Variants in MLLT3 observed in about 807,000 individuals in gnomAD.
MLLT3 encodes MLLT3 super elongation complex subunit.
MLLT3 carries 4 observed loss-of-function variants against 53.2 expected under a neutral mutation model. The observed-to-expected ratio is 0.08, with a 90% CI of 0.04 to 0.17. The LOEUF (loss-of-function observed/expected upper bound fraction) is 0.17. Ranked by LOEUF, MLLT3 falls within the 10% of genes least tolerant of loss-of-function variation. The probability of loss-of-function intolerance (pLI) is 1.00; values close to 1 mark genes in which losing one functional copy is unlikely to be tolerated. For missense variants in MLLT3, 569 were observed against 684.0 expected (o/e 0.83, Z 1.87); for synonymous variants, 283 against 230.6 (o/e 1.23, Z -2.06).
intron 2 of MLLT3, among the ~76,000 whole-genome samples, chr9:20,555,441 C>T (rs868360539): frequency 3.3e-4 from 50 of 152,184 alleles, no homozygotes; most frequent in African/African-American, 1.1e-3. Context: ...GCCACCAGAC[C>T]CAGGCTGCAA....
chr9:20,569,948 G>A (rs889248370), intron 2 of MLLT3, among the ~76,000 whole-genome samples: 7 of 152,028 alleles, frequency 4.6e-5, no homozygotes, highest in African/African-American at 1.7e-4. Context: ...TGAACCGTTG[G>A]CTCCTCATTT....
At chr9:20,436,810 C>T (rs974958049) in intron 4 of MLLT3, among the ~76,000 whole-genome samples, 1 of 152,040 alleles carries the variant, frequency 6.6e-6, no homozygotes, top group Admixed American at 6.6e-5. Context: ...ATTTTATAGC[C>T]ATAAAAATAC....
At chr9:20,498,516 A>C (rs1825138977) in intron 2 of MLLT3, among the ~76,000 whole-genome samples, 1 of 152,166 alleles carries the variant, frequency 6.6e-6, no homozygotes, top group Non-Finnish European at 1.5e-5. Flanking sequence ...TATTCATATA[A>C]TCTAGATCAA....
chr9:20,507,088 AAGTGAGT>A (rs1414671397), intron 2 of MLLT3, among the ~76,000 whole-genome samples: 1 of 152,234 alleles, frequency 6.6e-6, no homozygotes, highest in Non-Finnish European at 1.5e-5. Flanking sequence ...CTTAATGCGA[AAGTGAGT>A]AGTAAATTTT....
chr9:20,599,681 T>C (rs1820368162), intron 2 of MLLT3, among the ~76,000 whole-genome samples: 1 of 152,160 alleles, frequency 6.6e-6, no homozygotes, highest in Non-Finnish European at 1.5e-5. Context: ...GTTTAAATCT[T>C]AGTTATGCCA....
In MLLT3 at chr9:20,453,501, T is replaced by A. The variant is rs867062924; in HGVS notation, c.276+3203A>T. On this transcript the variant is annotated intron_variant, in intron 3 of 10. Transcript: ENST00000380338. The stretch of plus-strand genomic sequence containing the variant: ...TCACTTGATCTCAGGAAGTGGAGGC[T>A]GCAGTGAGCTGAGACTGCGCCACTG... Among the ~76,000 whole-genome samples the A allele has an allele frequency of 7.2e-5, 11 of 152,272 alleles. No individual in the cohort carries two copies. In the Middle Eastern group the frequency reaches 0.01, roughly 141 times the overall value.
At chr9:20,494,858 T>C (rs540402017) in intron 2 of MLLT3, among the ~76,000 whole-genome samples, 60 of 152,204 alleles carry the variant, frequency 3.9e-4, no homozygotes, top group Non-Finnish European at 5.4e-4. Flanking sequence ...GTTTTATTAA[T>C]TTTACAGGTA....
intron 2 of MLLT3, among the ~76,000 whole-genome samples, chr9:20,597,907 G>T (rs1820318231): frequency 6.6e-6 from 1 of 152,084 alleles, no homozygotes; most frequent in Non-Finnish European, 1.5e-5. Context: ...TTAGATATCT[G>T]CTTAGTGTTC....
rs1011163750 is a variant in MLLT3, at chr9:20,346,627, G to T, written c.1576-53C>A. Reference sequence around the variant, plus strand: ...GGCAATACGCAGCAAACATCAAAAGGCAAAGAGAGAGTAATGGAGGGGCGA... The same window carrying T: ...GGCAATACGCAGCAAACATCAAAAGTCAAAGAGAGAGTAATGGAGGGGCGA... On this transcript the variant is annotated intron_variant, in intron 10 of 10. Transcript: ENST00000380338. The T allele has an allele frequency of 2.7e-5, 43 of 1,573,908 alleles. No individual in the cohort carries two copies. In the South Asian group the frequency reaches 5.0e-4, roughly 18 times the overall value.
intron 5 of MLLT3, among the ~76,000 whole-genome samples, chr9:20,398,108 A>AT (rs927548062): frequency 1.1e-4 from 17 of 151,432 alleles, no homozygotes; most frequent in Admixed American, 3.9e-4. Context: ...TTAATTTTTA[A>AT]TTTTTTTTTA....
At chr9:20,542,392 AGGCGCCC>A (rs1056609727) in intron 2 of MLLT3, among the ~76,000 whole-genome samples, 14 of 151,994 alleles carry the variant, frequency 9.2e-5, no homozygotes, top group African/African-American at 2.7e-4. Context: ...CTGGGACTAC[AGGCGCCC>A]GCCACCGCGC....
intron 4 of MLLT3, among the ~76,000 whole-genome samples, chr9:20,415,714 A>C (rs1443738683): frequency 6.6e-6 from 1 of 152,132 alleles, no homozygotes; most frequent in Non-Finnish European, 1.5e-5. Flanking sequence ...GTAAGCAAGC[A>C]GGGGCTATGC....
chr9:20,615,692 T>C lies in MLLT3; in HGVS notation c.193+4962A>G, dbSNP rs1244690803. 9.2e-5 allele frequency among the ~76,000 whole-genome samples: 14 copies of C among 151,978 alleles called. No individual in the cohort carries two copies. In the East Asian group the frequency reaches 1.2e-3, roughly 13 times the overall value. The stretch of plus-strand genomic sequence containing the variant: ...GGATCCCTATGATCTTTTCAGGTGA[T>C]TGGTGACGTTAAATCTATATATATA... On this transcript the variant is annotated intron_variant, in intron 2 of 10. Transcript: ENST00000380338.
chr9:20,520,398 T>C (rs935899599), intron 2 of MLLT3, among the ~76,000 whole-genome samples: 7 of 151,966 alleles, frequency 4.6e-5, no homozygotes, highest in Admixed American at 2.0e-4. Context: ...TTGGAATAAA[T>C]TGAGACAGTC....
intron 2 of MLLT3, among the ~76,000 whole-genome samples, chr9:20,578,416 A>G (rs1819709052): frequency 1.3e-5 from 2 of 152,138 alleles, no homozygotes; most frequent in South Asian, 4.1e-4. Context: ...GGTGGCTCAC[A>G]CTTGTAATTC....
At chr9:20,602,345 AT>A (rs1820446237) in intron 2 of MLLT3, among the ~76,000 whole-genome samples, 1 of 152,176 alleles carries the variant, frequency 6.6e-6, no homozygotes, top group Non-Finnish European at 1.5e-5. Context: ...ACAGCATAGT[AT>A]TTATTCAATG....
intron 5 of MLLT3, among the ~76,000 whole-genome samples, chr9:20,371,328 G>A (rs1461961414): frequency 1.3e-5 from 2 of 152,222 alleles, no homozygotes; most frequent in Non-Finnish European, 2.9e-5. Flanking sequence ...CTATGTAGAC[G>A]AAACAGCCTT....
intron 2 of MLLT3, among the ~76,000 whole-genome samples, chr9:20,472,814 A>G (rs1418235757): frequency 6.6e-6 from 1 of 151,924 alleles, no homozygotes; most frequent in Admixed American, 6.6e-5. Context: ...TTGCAATTCA[A>G]TCCTCTCCTA....
chr9:20,449,548 C>A (rs1446380993), intron 3 of MLLT3, among the ~76,000 whole-genome samples: 4 of 152,092 alleles, frequency 2.6e-5, no homozygotes, highest in African/African-American at 4.8e-5. Context: ...CAGGTGTGAG[C>A]CTTGTTTTAT....
Sources: allele counts gnomAD v4.1 joint callset (sites outside exome capture counted in the v4.1 genomes callset), GRCh38; gene constraint gnomAD v4.1.1; transcripts MANE v1.5; gene names NCBI Gene and HGNC (gene_info 2026-07-23, HGNC 2026-07-21).